The following AOAH variants were observed in gnomAD, a reference collection of about 807,000 sequenced individuals.
AOAH encodes the protein acyloxyacyl hydrolase.
A neutral mutation model predicts 92.2 loss-of-function variants in AOAH; 64 were observed. The ratio of observed to expected loss-of-function variants is 0.69; its 90% CI spans 0.57 to 0.86. The LOEUF (loss-of-function observed/expected upper bound fraction) is 0.86, where lower values mean the gene tolerates loss of function less well. Ranked by LOEUF, AOAH falls within the 40% of genes least tolerant of loss-of-function variation. The probability of loss-of-function intolerance (pLI) is 0.00; values close to 1 mark genes in which losing one functional copy is unlikely to be tolerated. For missense variants in AOAH, 656 were observed against 694.6 expected (o/e 0.94, Z 0.62); for synonymous variants, 263 against 254.5 (o/e 1.03, Z -0.32).
intron 1 of AOAH, among the ~76,000 whole-genome samples, chr7:36,710,199 G>A (rs1238074768): frequency 6.6e-6 from 1 of 152,142 alleles, no homozygotes; most frequent in Non-Finnish European, 1.5e-5. Context: ...AATGACAAAA[G>A]GATTCTGCAT....
At chr7:36,675,204 C>T (rs927288300) in intron 2 of AOAH, among the ~76,000 whole-genome samples, 1 of 152,090 alleles carries the variant, frequency 6.6e-6, no homozygotes, top group African/African-American at 2.4e-5. Context: ...TGCAGTGAGC[C>T]GAGATCGTGC....
intron 9 of AOAH, among the ~76,000 whole-genome samples, chr7:36,619,753 G>A (rs1413914225): frequency 2.0e-5 from 3 of 152,206 alleles, no homozygotes; most frequent in Admixed American, 6.5e-5. Context: ...GTCCTGAAGA[G>A]AGGAAAATAT....
At chr7:36,681,553 C>T (rs1405994604) in intron 2 of AOAH, among the ~76,000 whole-genome samples, 1 of 152,064 alleles carries the variant, frequency 6.6e-6, no homozygotes, top group Non-Finnish European at 1.5e-5. Context: ...GAGTGTAATC[C>T]CAGCACTTTG....
rs529296614 is a variant in AOAH, at chr7:36,553,822, C to G, written c.1022-4347G>C. Among the ~76,000 whole-genome samples the G allele has an allele frequency of 3.9e-3, 590 of 151,984 alleles. 3 individuals carry two copies. Among genetic ancestry groups the G allele is most frequent in the Non-Finnish European group, 6.0e-3 (407 of 67,918 alleles). On this transcript the variant is annotated intron_variant, in intron 13 of 20. Coordinates refer to ENST00000617537, the MANE Select transcript of AOAH (RefSeq NM_001637.4). ...TGTTCATATCCTTTGCCCACTTTTT[C>G]ATGGGGTTGTTTGTTTTTTCTTGTA...
chr7:36,673,803 A>C, intron 3 of AOAH, 140 bp downstream of exon 3: 2 of 588,154 alleles, frequency 3.4e-6, no homozygotes, highest in South Asian at 5.0e-5. Context: ...ATTTTCCACT[A>C]TTACTAAGAG....
At chr7:36,537,519 T>G (rs13307900) in intron 16 of AOAH, among the ~76,000 whole-genome samples, 58,020 of 147,540 alleles carry the variant, frequency 0.39, 11,586 homozygotes, top group African/African-American at 0.45. Flanking sequence ...TTTTTTTTTT[T>G]TTTGTTTGTT....
intron 4 of AOAH, among the ~76,000 whole-genome samples, chr7:36,652,833 G>A (rs968780600): frequency 6.6e-6 from 1 of 152,186 alleles, no homozygotes. Flanking sequence ...CTCTGTCACA[G>A]ACCAGAGGAC....
intron 1 of AOAH, among the ~76,000 whole-genome samples, chr7:36,714,253 T>A (rs1798974495): frequency 6.6e-6 from 1 of 152,090 alleles, no homozygotes; most frequent in African/African-American, 2.4e-5. Flanking sequence ...CCTCAACACA[T>A]ACACTCTCCC....
At chr7:36,685,495 T>C (rs1796943001) in intron 2 of AOAH, among the ~76,000 whole-genome samples, 1 of 152,206 alleles carries the variant, frequency 6.6e-6, no homozygotes, top group Admixed American at 6.5e-5. Flanking sequence ...GCTATACATT[T>C]GCTTTGCGTG....
At chr7:36,514,489 G>T (rs768368152) in intron 20 of AOAH, 6 of 1,535,374 alleles carry the variant, frequency 3.9e-6, no homozygotes, top group Non-Finnish European at 5.2e-6. Context: ...TTCTGCTGTC[G>T]CATGTCAGGT....
At position 36,615,990 on chromosome 7, in the gene AOAH, T is replaced by C. The variant is rs568196626; in HGVS notation, c.846+390A>G. Among the ~76,000 whole-genome samples, 10 of 152,240 alleles carry C rather than the reference T, an allele frequency of 6.6e-5. No homozygotes were observed. The East Asian group carries it at 1.6e-3, about 24-fold the overall frequency. On this transcript the variant is annotated intron_variant, in intron 11 of 20. Transcript: ENST00000617537. ...CTTCCGTGGAGCACAGCAGAGGCCA[T>C]CAGGAGCCGAGCAGCCTGCTCTGCC... is the stretch of plus-strand genomic sequence containing the variant.
intron 13 of AOAH, among the ~76,000 whole-genome samples, chr7:36,572,896 G>A (rs1333939743): frequency 6.6e-6 from 1 of 152,220 alleles, no homozygotes; most frequent in African/African-American, 2.4e-5. Context: ...TTTGGGTGCA[G>A]CCTCTCCCCC....
intron 4 of AOAH, among the ~76,000 whole-genome samples, chr7:36,639,145 A>C (rs117679721): frequency 0.01 from 1,525 of 152,358 alleles, 19 homozygotes; most frequent in Middle Eastern, 0.024. Context: ...TGCTTAGAGA[A>C]TGACCCCATT....
chr7:36,590,725 C>A (rs1049509598), intron 12 of AOAH, among the ~76,000 whole-genome samples: 2 of 152,238 alleles, frequency 1.3e-5, no homozygotes. Flanking sequence ...TCCGCCAATT[C>A]TGTGGATAAG....
intron 11 of AOAH, among the ~76,000 whole-genome samples, chr7:36,608,291 C>T (rs1333310447): frequency 6.6e-6 from 1 of 152,232 alleles, no homozygotes; most frequent in African/African-American, 2.4e-5. Flanking sequence ...CCCACTGTCC[C>T]TCTGACACTG....
chr7:36,562,210 C>T lies in AOAH; in HGVS notation c.1022-12735G>A, dbSNP rs114385441. On this transcript the variant is annotated intron_variant, in intron 13 of 20. Transcript: ENST00000617537. ...TTTGTTATCCTTTTGCCAGACTCAT[C>T]AACATTTTGTGTCTCTCTCCTTCCC... Among the ~76,000 whole-genome samples, 416 of 152,290 alleles carry T rather than the reference C, an allele frequency of 2.7e-3. 1 individual carries two copies. The highest frequency in any genetic ancestry group is 8.3e-3 in the African/African-American group (346 of 41,558).
chr7:36,692,767 CAT>C (rs2116830865), intron 1 of AOAH, among the ~76,000 whole-genome samples: 1 of 152,260 alleles, frequency 6.6e-6, no homozygotes, highest in South Asian at 2.1e-4. Flanking sequence ...TGAAGAGACA[CAT>C]ATGAATAAAA....
intron 9 of AOAH, among the ~76,000 whole-genome samples, chr7:36,618,747 G>A (rs899159352): frequency 6.6e-6 from 1 of 152,186 alleles, no homozygotes; most frequent in African/African-American, 2.4e-5. Flanking sequence ...TGCTTCTAAA[G>A]AAGCAATTCT....
At chr7:36,567,765 C>A (rs914838875) in intron 13 of AOAH, among the ~76,000 whole-genome samples, 1 of 152,224 alleles carries the variant, frequency 6.6e-6, no homozygotes, top group African/African-American at 2.4e-5. Flanking sequence ...TTTGACAATT[C>A]TCTTGCCTAC....
Sources: gnomAD v4.1 joint callset for allele counts (sites outside exome capture counted in the v4.1 genomes callset) on GRCh38, gnomAD v4.1.1 for gene constraint, MANE v1.5 for transcripts, NCBI Gene and HGNC (gene_info 2026-07-23, HGNC 2026-07-21) for gene names.